The following SMYD3 variants were observed in gnomAD, a reference collection of about 807,000 sequenced individuals.
SMYD3 encodes SET and MYND domain containing 3.
A neutral mutation model predicts 57.7 loss-of-function variants in SMYD3; 36 were observed. The ratio of observed to expected loss-of-function variants is 0.62; its 90% CI spans 0.48 to 0.82. The LOEUF (loss-of-function observed/expected upper bound fraction) is 0.82. SMYD3 is among the 40% of genes least tolerant of loss of function. SMYD3 has a pLI of 0.00. For missense variants in SMYD3, 515 were observed against 538.8 expected (o/e 0.96, Z 0.44); for synonymous variants, 211 against 195.0 (o/e 1.08, Z -0.68).
rs12091410 is a variant in SMYD3 at position 246,203,270 on chromosome 1, C to T, written c.531+123931G>A. On this transcript the variant is annotated intron_variant, in intron 5 of 11. Transcript: ENST00000490107. This position sits in a 1 kb window ranked among gnomAD's most constrained non-coding sequence, Gnocchi z 4.6. ...GTGAAATTAATTCAATAAATATCCACAGAGCTTTAATCCAGATGTGTGCAA... is the reference window on the plus strand; with the variant it reads ...GTGAAATTAATTCAATAAATATCCATAGAGCTTTAATCCAGATGTGTGCAA... Among the ~76,000 whole-genome samples the T allele has an allele frequency of 0.13, 19,486 of 152,114 alleles. 3,242 individuals carry two copies. Among genetic ancestry groups the T allele is most frequent in the African/African-American group, 0.38 (15,795 of 41,446 alleles).
At chr1:245,787,824 C>A (rs996575961) in intron 10 of SMYD3, among the ~76,000 whole-genome samples, 1 of 152,176 alleles carries the variant, frequency 6.6e-6, no homozygotes, top group African/African-American at 2.4e-5. Context: ...ACAAGCGACT[C>A]CCAGATTCCT....
intron 5 of SMYD3, among the ~76,000 whole-genome samples, chr1:246,017,028 T>G (rs1304337205): frequency 6.6e-6 from 1 of 152,160 alleles, no homozygotes; most frequent in Non-Finnish European, 1.5e-5. Flanking sequence ...CAAGTGTCTT[T>G]CCAAAGTTTT....
At chr1:245,845,152 TTAAG>T (rs2050601583) in intron 10 of SMYD3, among the ~76,000 whole-genome samples, 2 of 152,338 alleles carry the variant, frequency 1.3e-5, no homozygotes, top group South Asian at 4.1e-4. Flanking sequence ...ATTCTTCTCA[TTAAG>T]TCTTTGATTA....
At chr1:246,263,351 G>T (rs202112324) in intron 5 of SMYD3, among the ~76,000 whole-genome samples, 16,168 of 152,018 alleles carry the variant, frequency 0.11, 1,546 homozygotes, top group African/African-American at 0.24. Flanking sequence ...TATGTGACCT[G>T]GGCACATACC....
intron 1 of SMYD3, among the ~76,000 whole-genome samples, chr1:246,439,638 A>G (rs2103017929): frequency 6.6e-6 from 1 of 152,088 alleles, no homozygotes; most frequent in Middle Eastern, 3.4e-3. Flanking sequence ...GACTCTTAAG[A>G]AAAAAAAGAC....
intron 5 of SMYD3, among the ~76,000 whole-genome samples, chr1:246,309,052 A>T (rs1237898698): frequency 2.6e-5 from 4 of 152,206 alleles, no homozygotes; most frequent in Non-Finnish European, 5.9e-5. Context: ...AGTTTTTAAG[A>T]AGCATCCGTT....
At chr1:245,750,268 G>A (rs979897769) in intron 11 of SMYD3, among the ~76,000 whole-genome samples, 1 of 152,110 alleles carries the variant, frequency 6.6e-6, no homozygotes, top group Non-Finnish European at 1.5e-5. Flanking sequence ...ACTGACTTGT[G>A]AGACTAGGTC....
chr1:246,323,785 A>G (rs935188182), intron 5 of SMYD3, among the ~76,000 whole-genome samples: 1 of 152,130 alleles, frequency 6.6e-6, no homozygotes, highest in Admixed American at 6.5e-5. Context: ...TAAATAAATA[A>G]AAGTCTGCTG....
At chr1:246,416,531 A>T (rs2067063143) in intron 1 of SMYD3, among the ~76,000 whole-genome samples, 1 of 145,868 alleles carries the variant, frequency 6.9e-6, no homozygotes, top group South Asian at 2.3e-4. Context: ...GCCCACAATT[A>T]GAACAGTGTC....
rs1158592397 is a variant in SMYD3, at chr1:246,450,053, C to T, written c.164+57001G>A. ...CTATTATCCCAGCACTTTGGGAGGC[C>T]GAGGTGGGCAGATCACCTGAGGTCG... On this transcript the variant is annotated intron_variant, in intron 1 of 11. Coordinates refer to ENST00000490107, the MANE Select transcript of SMYD3 (RefSeq NM_001167740.2). 4.6e-5 allele frequency among the ~76,000 whole-genome samples: 7 copies of T among 152,174 alleles called. No homozygotes were observed. The East Asian group carries it at 5.8e-4, about 13-fold the overall frequency.
chr1:246,319,013 G>C (rs1368357862), intron 5 of SMYD3, among the ~76,000 whole-genome samples: 1 of 152,178 alleles, frequency 6.6e-6, no homozygotes, highest in African/African-American at 2.4e-5. Context: ...TCCAAACAAT[G>C]AGTTGTTTTC....
At chr1:246,272,489 G>A (rs768817559) in intron 5 of SMYD3, among the ~76,000 whole-genome samples, 38 of 152,134 alleles carry the variant, frequency 2.5e-4, no homozygotes, top group Non-Finnish European at 4.9e-4. Flanking sequence ...TGTCATGAAA[G>A]GGTATTGAAT....
chr1:245,902,965 A>C (rs2054290844), intron 8 of SMYD3, among the ~76,000 whole-genome samples: 1 of 152,222 alleles, frequency 6.6e-6, no homozygotes, highest in African/African-American at 2.4e-5. Context: ...CTACAAAGCA[A>C]CACAATAATT....
chr1:245,817,278 C>G (rs1167570177), intron 10 of SMYD3, among the ~76,000 whole-genome samples: 2 of 142,668 alleles, frequency 1.4e-5, no homozygotes, highest in Non-Finnish European at 3.0e-5. Flanking sequence ...CACCCCCCAG[C>G]AGGGGCACAC....
intron 5 of SMYD3, among the ~76,000 whole-genome samples, chr1:246,177,883 C>T (rs552565702): frequency 4.4e-4 from 67 of 152,176 alleles, no homozygotes; most frequent in Non-Finnish European, 8.4e-4. Context: ...CTCAACATTT[C>T]GCCTAGCAAC....
At chr1:246,302,981 A>G (rs981991406) in intron 5 of SMYD3, among the ~76,000 whole-genome samples, 4 of 152,188 alleles carry the variant, frequency 2.6e-5, no homozygotes, top group African/African-American at 9.7e-5. Flanking sequence ...TCTTCTACGG[A>G]ACACTATATG....
At chr1:246,475,365 G>A (rs540763065) in intron 1 of SMYD3, among the ~76,000 whole-genome samples, 6 of 150,960 alleles carry the variant, frequency 4.0e-5, no homozygotes, top group African/African-American at 7.3e-5. Flanking sequence ...CTTTTTGGCC[G>A]GCAGCCATGG....
chr1:245,841,220 TCA>T (rs2148419241), intron 10 of SMYD3, among the ~76,000 whole-genome samples: 1 of 152,350 alleles, frequency 6.6e-6, no homozygotes, highest in South Asian at 2.1e-4. Context: ...GATTTAATAC[TCA>T]CAATGGGATT....
At chr1:246,363,428 A>C (rs1202193508) in intron 1 of SMYD3, among the ~76,000 whole-genome samples, 1 of 152,188 alleles carries the variant, frequency 6.6e-6, no homozygotes, top group Non-Finnish European at 1.5e-5. Context: ...TGTACCCAAC[A>C]GTTCATTGAG....
Sources: gnomAD v4.1 joint callset for allele counts (sites outside exome capture counted in the v4.1 genomes callset) on GRCh38, gnomAD v4.1.1 for gene constraint, Gnocchi (gnomAD v3.1) non-coding constraint, MANE v1.5 for transcripts, NCBI Gene and HGNC (gene_info 2026-07-23, HGNC 2026-07-21) for gene names.